Variants in TMEM164 observed in about 807,000 individuals in gnomAD.
TMEM164 encodes the protein RP13-360B22.2.
In TMEM164, 4 loss-of-function variants were observed where a neutral mutation model predicts 18.8. The observed-to-expected ratio is 0.21, with a 90% CI of 0.10 to 0.49. The LOEUF (loss-of-function observed/expected upper bound fraction) is 0.49, where lower values mean the gene tolerates loss of function less well. Ranked by LOEUF, TMEM164 falls within the 20% of genes least tolerant of loss-of-function variation. The pLI is 0.98. For missense variants in TMEM164, 108 were observed against 239.9 expected (o/e 0.45, Z 3.63); for synonymous variants, 86 against 101.7 (o/e 0.85, Z 0.93).
chrX:110,009,405 T>G (rs915721505), intron 2 of TMEM164, among the ~76,000 whole-genome samples: 1 of 112,465 alleles, frequency 8.9e-6, no homozygotes, highest in African/African-American at 3.2e-5. Context: ...ATGAATACCT[T>G]TGTATGCATG....
At chrX:110,069,066 C>T (rs1454918840) in intron 3 of TMEM164, among the ~76,000 whole-genome samples, 1 of 111,605 alleles carries the variant, frequency 9.0e-6, no homozygotes, top group Non-Finnish European at 1.9e-5. Flanking sequence ...CATTTACTTT[C>T]TTTGCACATT....
At chrX:110,023,216 C>T (rs1257927292) in intron 2 of TMEM164, among the ~76,000 whole-genome samples, 1 of 112,031 alleles carries the variant, frequency 8.9e-6, no homozygotes, top group Admixed American at 9.5e-5. Context: ...CTAATTTTCC[C>T]TTTACTGAGA....
At chrX:110,008,576 G>A (rs902253918) in intron 2 of TMEM164, among the ~76,000 whole-genome samples, 1 of 111,330 alleles carries the variant, frequency 9.0e-6, no homozygotes, top group Admixed American at 9.5e-5. Flanking sequence ...CTCCCCCCAA[G>A]GAAATTTGCA....
chrX:110,060,010 C>T (rs755555116), intron 2 of TMEM164, among the ~76,000 whole-genome samples: 8 of 111,377 alleles, frequency 7.2e-5, no homozygotes, highest in Non-Finnish European at 7.5e-5. Context: ...CACTAGTAAT[C>T]TTAGTGCTTT....
chrX:110,165,104 G>C (rs750273266), intron 5 of TMEM164, among the ~76,000 whole-genome samples: 18 of 113,004 alleles, frequency 1.6e-4, no homozygotes, highest in Non-Finnish European at 3.0e-4. Flanking sequence ...CTATTGCAAA[G>C]ATTACTAACT....
At chrX:110,016,251 C>T (rs930916669) in intron 2 of TMEM164, among the ~76,000 whole-genome samples, 2 of 112,756 alleles carry the variant, frequency 1.8e-5, no homozygotes, top group Non-Finnish European at 1.9e-5. Flanking sequence ...TTTCATCCCC[C>T]TTTTCCACAG....
intron 2 of TMEM164, among the ~76,000 whole-genome samples, chrX:110,034,295 A>C (rs1175351771): frequency 1.8e-5 from 2 of 112,474 alleles, no homozygotes; most frequent in Non-Finnish European, 3.8e-5. Flanking sequence ...AGAATTGGTG[A>C]GCTGTTCCTT....
At chrX:110,107,409 AG>A (rs1270362227) in intron 3 of TMEM164, among the ~76,000 whole-genome samples, 1 of 112,398 alleles carries the variant, frequency 8.9e-6, no homozygotes, top group African/African-American at 3.2e-5. Flanking sequence ...GTTCATGTAA[AG>A]CAGTTAATCA....
intron 3 of TMEM164, among the ~76,000 whole-genome samples, chrX:110,086,276 AT>A (rs2065849960): frequency 8.9e-6 from 1 of 111,918 alleles, no homozygotes; most frequent in Non-Finnish European, 1.9e-5. Context: ...TCCAGTGTAT[AT>A]TTTAGATTAG....
At chrX:110,110,888 G>A (rs1447176531) in intron 4 of TMEM164, among the ~76,000 whole-genome samples, 8 of 112,402 alleles carry the variant, frequency 7.1e-5, no homozygotes, top group Non-Finnish European at 1.5e-4. Context: ...AATTTCAGGG[G>A]CCACCTGCAG....
intron 6 of TMEM164, 115 bp downstream of exon 6, chrX:110,171,635 C>A: frequency 3.2e-6 from 2 of 629,121 alleles, no homozygotes. Flanking sequence ...ATGCTAAAGG[C>A]CAGGATGTCA....
Position 110,015,010 on chromosome X carries a change from C to A in TMEM164, c.390+10846C>A, listed in dbSNP as rs371935001. ...GCATCAGCAAATGGACAGAAAAAAA[C>A]CAATTATTCTTACATCTCCGGGATA... On this transcript the variant is annotated intron_variant, in intron 2 of 6. Transcript: ENST00000372068. Among the ~76,000 whole-genome samples the A allele has an allele frequency of 9.9e-5, 11 of 111,312 alleles. No homozygotes were observed. In the East Asian group the frequency reaches 1.1e-3, roughly 11 times the overall value.
At chrX:110,107,190 G>A (rs2066216427) in intron 3 of TMEM164, among the ~76,000 whole-genome samples, 1 of 111,891 alleles carries the variant, frequency 8.9e-6, no homozygotes, top group African/African-American at 3.3e-5. Context: ...AGGAGGAAGG[G>A]ACCAGGGAAT....
intron 2 of TMEM164, among the ~76,000 whole-genome samples, chrX:110,022,222 T>TGTGTGTGTGTGTGTGTG (rs1569297305): frequency 9.0e-6 from 1 of 111,677 alleles, no homozygotes; most frequent in African/African-American, 3.3e-5. Flanking sequence ...TGTGTGTGTA[T>TGTGTGTGTGTGTGTGTG]TGAGTGATAT....
intron 2 of TMEM164, among the ~76,000 whole-genome samples, chrX:110,027,934 A>T (rs1934282687): frequency 9.0e-6 from 1 of 111,491 alleles, no homozygotes; most frequent in African/African-American, 3.3e-5. Context: ...GCTTTGGAAA[A>T]GTTTGCATGA....
chrX:110,149,083 G>GT (rs58576764), intron 5 of TMEM164, among the ~76,000 whole-genome samples: 13 of 104,723 alleles, frequency 1.2e-4, no homozygotes, highest in Admixed American at 4.1e-4. Context: ...AATCTATTGA[G>GT]TTTTTTTTTT....
chrX:110,039,046 C>T (rs1020245275), intron 2 of TMEM164, among the ~76,000 whole-genome samples: 6 of 111,518 alleles, frequency 5.4e-5, no homozygotes, highest in Non-Finnish European at 9.4e-5. Flanking sequence ...GCTGTTTGAA[C>T]TTGGGGAAGT....
At chrX:110,095,374 G>T (rs985200379) in intron 3 of TMEM164, among the ~76,000 whole-genome samples, 1 of 111,549 alleles carries the variant, frequency 9.0e-6, no homozygotes, top group Non-Finnish European at 1.9e-5. Flanking sequence ...GGCTTTGTTC[G>T]TTTCTTTTTA....
At chrX:110,146,907 G>A (rs1470927022) in intron 5 of TMEM164, among the ~76,000 whole-genome samples, 1 of 112,246 alleles carries the variant, frequency 8.9e-6, no homozygotes, top group Non-Finnish European at 1.9e-5. Flanking sequence ...GAGAGTCTGG[G>A]GCTTCTGTTC....
Sources: gnomAD v4.1 joint callset for allele counts (sites outside exome capture counted in the v4.1 genomes callset) on GRCh38, gnomAD v4.1.1 for gene constraint, MANE v1.5 for transcripts, NCBI Gene and HGNC (gene_info 2026-07-23, HGNC 2026-07-21) for gene names.